Variants in SOX5 observed in about 807,000 individuals in gnomAD.
SOX5 encodes SRY-box transcription factor 5.
In SOX5, 9 loss-of-function variants were observed where a neutral mutation model predicts 92.0. The observed-to-expected ratio is 0.10, with a 90% confidence interval of 0.06 to 0.17. The LOEUF is 0.17. Ranked by LOEUF, SOX5 falls within the 10% of genes least tolerant of loss-of-function variation. SOX5 has a pLI of 1.00. For synonymous variants in SOX5, 344 were observed against 336.3 expected (o/e 1.02, Z -0.25); for missense variants, 642 against 944.5 (o/e 0.68, Z 4.20).
Position 23,643,043 on chromosome 12 carries a change from C to T in SOX5, c.932-2146G>A, listed in dbSNP as rs1404716036. On this transcript the variant is annotated intron_variant, in intron 7 of 14. Coordinates refer to ENST00000451604, the MANE Select transcript of SOX5 (RefSeq NM_006940.6). The stretch of plus-strand genomic sequence containing the variant: ...CGGAGCTTGCAGTGAGCCGAGATCC[C>T]GCCACTGCACTCCAGCCTGGGCGAC... 7.6e-5 allele frequency among the ~76,000 whole-genome samples: 8 copies of T among 105,440 alleles called. 1 individual carries two copies. The highest frequency in any genetic ancestry group is 1.5e-4 in the African/African-American group (5 of 33,590). The allele number at this position is 105,440 out of a possible 152,430, so 69.2% of individuals were successfully genotyped here.
chr12:24,177,381 A>G (rs1954938228), intron 4 of SOX5, among the ~76,000 whole-genome samples: 1 of 152,204 alleles, frequency 6.6e-6, no homozygotes, highest in African/African-American at 2.4e-5. Context: ...CAGAAAAATC[A>G]TCATAAATAC....
At chr12:24,019,608 T>C (rs1954063076) in intron 4 of SOX5, among the ~76,000 whole-genome samples, 1 of 152,194 alleles carries the variant, frequency 6.6e-6, no homozygotes, top group Non-Finnish European at 1.5e-5. Flanking sequence ...AAAATATATG[T>C]TGATGAAGAG....
At chr12:24,215,845 C>A (rs1420696924) in intron 3 of SOX5, among the ~76,000 whole-genome samples, 1 of 151,038 alleles carries the variant, frequency 6.6e-6, no homozygotes, top group African/African-American at 2.4e-5. Flanking sequence ...TTCCCAACTT[C>A]AAAATTTATG....
chr12:24,524,442 C>G (rs1950530503), intron 1 of SOX5, among the ~76,000 whole-genome samples: 1 of 151,486 alleles, frequency 6.6e-6, no homozygotes, highest in South Asian at 2.1e-4. Flanking sequence ...TCTGGAGAAC[C>G]CTAGCTAATA....
intron 4 of SOX5, among the ~76,000 whole-genome samples, chr12:24,008,482 A>T (rs1256830394): frequency 6.6e-6 from 1 of 152,148 alleles, no homozygotes; most frequent in Admixed American, 6.5e-5. Context: ...TGGACATCCT[A>T]GTACAGAGCT....
At chr12:23,977,380 T>C (rs1949033040) in intron 4 of SOX5, among the ~76,000 whole-genome samples, 1 of 151,948 alleles carries the variant, frequency 6.6e-6, no homozygotes, top group Non-Finnish European at 1.5e-5. Flanking sequence ...GTATAATAAA[T>C]AAAGGTGGGC....
intron 4 of SOX5, among the ~76,000 whole-genome samples, chr12:24,208,250 A>G (rs71450427): frequency 0.032 from 4,834 of 152,262 alleles, 89 homozygotes; most frequent in Middle Eastern, 0.058. Flanking sequence ...TCAGAGTGAC[A>G]TCATAAGAAT....
chr12:23,950,333 G>A (rs934757550), upstream of SOX5, among the ~76,000 whole-genome samples: 1 of 151,834 alleles, frequency 6.6e-6, no homozygotes, highest in Non-Finnish European at 1.5e-5. Context: ...AAGCAACTTT[G>A]ACAGATTGAA....
chr12:24,111,010 T>C (rs1400228414), intron 4 of SOX5, among the ~76,000 whole-genome samples: 1 of 149,538 alleles, frequency 6.7e-6, no homozygotes. Context: ...TTGGCATTAA[T>C]ACTTTGGGTC....
chr12:24,395,411 CA>C (rs1362608823), intron 1 of SOX5, among the ~76,000 whole-genome samples: 1 of 151,910 alleles, frequency 6.6e-6, no homozygotes, highest in Non-Finnish European at 1.5e-5. Flanking sequence ...AATAATTGGC[CA>C]AAAAAATATA....
chr12:23,783,483 T>C lies in SOX5; in HGVS notation c.482-27759A>G, dbSNP rs566140460. ...TTTAGCGTATTACAATTTAGAAATA[T>C]AGTAAATTTGACCATGTGCTGAGGA... On this transcript the variant is annotated intron_variant, in intron 3 of 14. Transcript: ENST00000451604. Among the ~76,000 whole-genome samples the C allele has an allele frequency of 2.0e-5, 3 of 152,164 alleles. No individual in the cohort carries two copies. In the South Asian group the frequency reaches 6.2e-4, roughly 31 times the overall value.
At chr12:23,700,549 G>T (rs985297182) in intron 6 of SOX5, among the ~76,000 whole-genome samples, 2 of 151,880 alleles carry the variant, frequency 1.3e-5, no homozygotes, top group South Asian at 2.1e-4. Flanking sequence ...CACAATTTGG[G>T]GTATGGGAAG....
At chr12:24,246,346 C>A (rs1445021900) in intron 3 of SOX5, among the ~76,000 whole-genome samples, 3 of 150,244 alleles carry the variant, frequency 2.0e-5, no homozygotes, top group Admixed American at 1.3e-4. Flanking sequence ...CAGTCATTGT[C>A]CGTCATATTA....
At chr12:23,960,319 A>G (rs1333942453) in intron 4 of SOX5, among the ~76,000 whole-genome samples, 2 of 152,192 alleles carry the variant, frequency 1.3e-5, no homozygotes, top group East Asian at 3.9e-4. Flanking sequence ...CTTATATATT[A>G]CTAGTATAAA....
At chr12:24,207,590 G>T (rs961399670) in intron 4 of SOX5, among the ~76,000 whole-genome samples, 2 of 152,140 alleles carry the variant, frequency 1.3e-5, no homozygotes, top group Non-Finnish European at 2.9e-5. Flanking sequence ...CACTCAGGAG[G>T]GCCCTGGGCA....
chr12:24,293,015 G>A (rs1219119463), intron 2 of SOX5, among the ~76,000 whole-genome samples: 1 of 152,116 alleles, frequency 6.6e-6, no homozygotes, highest in Non-Finnish European at 1.5e-5. Flanking sequence ...TGACTATAAT[G>A]TAGACCCAAT....
chr12:23,715,156 G>T (rs1042665804), intron 6 of SOX5, among the ~76,000 whole-genome samples: 1 of 151,964 alleles, frequency 6.6e-6, no homozygotes, highest in Non-Finnish European at 1.5e-5. Context: ...AAAATTAGCC[G>T]GGTGCGATGG....
At chr12:23,662,765 G>T (rs1294429625) in intron 7 of SOX5, among the ~76,000 whole-genome samples, 1 of 152,020 alleles carries the variant, frequency 6.6e-6, no homozygotes, top group Non-Finnish European at 1.5e-5. Context: ...TTTATTTTAT[G>T]TATTTTATGA....
intron 5 of SOX5, among the ~76,000 whole-genome samples, chr12:23,736,471 A>T (rs2093599083): frequency 6.8e-6 from 1 of 147,828 alleles, no homozygotes; most frequent in Non-Finnish European, 1.5e-5. Flanking sequence ...CAGAAATAAT[A>T]AAAAAAAAAA....
Sources: gnomAD v4.1 joint callset for allele counts (sites outside exome capture counted in the v4.1 genomes callset) on GRCh38, gnomAD v4.1.1 for gene constraint, MANE v1.5 for transcripts, NCBI Gene and HGNC (gene_info 2026-07-23, HGNC 2026-07-21) for gene names.